The following ADGRB3 variants were observed in gnomAD, a reference collection of about 807,000 sequenced individuals.
ADGRB3 encodes the protein brain-specific angiogenesis inhibitor 3.
ADGRB3 carries 37 observed loss-of-function variants against 193.4 expected under a neutral mutation model. The observed-to-expected ratio is 0.19, with a 90% confidence interval of 0.15 to 0.25. The LOEUF is 0.25. ADGRB3 is among the 10% of genes least tolerant of loss of function. The pLI, the probability that ADGRB3 is intolerant of heterozygous loss-of-function variation, is 1.00. For synonymous variants in ADGRB3, 690 were observed against 644.2 expected, an observed-to-expected ratio of 1.07 and a Z score of -1.08; for missense variants, 1,637 against 1,852.9, an observed-to-expected ratio of 0.88 and a Z score of 2.14.
rs1765630075 is a variant in ADGRB3, at chr6:69,210,149, C to CATATATATATATATATATATAAT, written c.2481-23119_2481-23118insTATATATATATATATATATATAA. The stretch of plus-strand genomic sequence containing the variant: ...ATATATATCATATATTAATATATAT[C>CATATATATATATATATATATAAT]ATATATATATATATATATATAAAGG... On this transcript the variant is annotated intron_variant, in intron 17 of 31. Transcript: ENST00000370598. 3.8e-5 allele frequency among the ~76,000 whole-genome samples: 3 copies of CATATATATATATATATATATAAT among 78,940 alleles called. 1 individual carries two copies. The highest frequency in any genetic ancestry group is 7.4e-5 in the Non-Finnish European group (3 of 40,546). The allele number at this position is 78,940 out of a possible 152,430, so 51.8% of individuals were successfully genotyped here.
At chr6:69,238,223 C>G (rs1026592642) in intron 19 of ADGRB3, among the ~76,000 whole-genome samples, 1 of 152,008 alleles carries the variant, frequency 6.6e-6, no homozygotes, top group African/African-American at 2.4e-5. Context: ...TGTGATTCCA[C>G]GTTATAATAC....
chr6:69,169,136 A>T (rs1191466694), intron 17 of ADGRB3, among the ~76,000 whole-genome samples: 1 of 152,062 alleles, frequency 6.6e-6, no homozygotes, highest in Non-Finnish European at 1.5e-5. Context: ...GATATACCTT[A>T]AAAAAAGAGT....
chr6:69,149,932 G>GTA (rs1178036822), intron 17 of ADGRB3, among the ~76,000 whole-genome samples: 10 of 105,956 alleles, frequency 9.4e-5, no homozygotes, highest in African/African-American at 3.0e-4. Flanking sequence ...TTCTGTGTGT[G>GTA]TGTGTGTGTG....
chr6:69,143,386 A>G (rs1035751060), intron 17 of ADGRB3, among the ~76,000 whole-genome samples: 3 of 152,088 alleles, frequency 2.0e-5, no homozygotes, highest in Non-Finnish European at 4.4e-5. Context: ...TTTTAACTTG[A>G]TGTAATCTCA....
chr6:68,902,059 A>G (rs1249567642), intron 3 of ADGRB3, among the ~76,000 whole-genome samples: 3 of 152,100 alleles, frequency 2.0e-5, no homozygotes, highest in African/African-American at 7.2e-5. Context: ...CTCACTCCAA[A>G]CCTTTTATCA....
intron 31 of ADGRB3, among the ~76,000 whole-genome samples, chr6:69,384,440 T>C (rs1183393244): frequency 6.6e-6 from 1 of 152,032 alleles, no homozygotes; most frequent in Non-Finnish European, 1.5e-5. Context: ...TTTCGAAATA[T>C]TGAAAGATAA....
intron 3 of ADGRB3, among the ~76,000 whole-genome samples, chr6:68,783,026 G>A (rs1213568469): frequency 6.6e-6 from 1 of 151,808 alleles, no homozygotes; most frequent in African/African-American, 2.4e-5. Context: ...TGCCATTATT[G>A]CCGCTGCTAA....
At chr6:68,940,502 T>C (rs1261869357) in intron 5 of ADGRB3, among the ~76,000 whole-genome samples, 1 of 150,770 alleles carries the variant, frequency 6.6e-6, no homozygotes, top group African/African-American at 2.4e-5. Context: ...TTATGTACTT[T>C]AATCCTGTAG....
At chr6:68,714,531 T>C (rs549619080) in intron 3 of ADGRB3, among the ~76,000 whole-genome samples, 1 of 151,974 alleles carries the variant, frequency 6.6e-6, no homozygotes, top group East Asian at 1.9e-4. Flanking sequence ...ATATTCTGTG[T>C]ACCACAAAAC....
At chr6:69,183,048 C>G (rs1764967133) in intron 17 of ADGRB3, among the ~76,000 whole-genome samples, 1 of 152,114 alleles carries the variant, frequency 6.6e-6, no homozygotes, top group Non-Finnish European at 1.5e-5. Context: ...TTACCCCTTA[C>G]ACACATTCTG....
intron 17 of ADGRB3, among the ~76,000 whole-genome samples, chr6:69,173,713 G>A (rs1263497374): frequency 1.3e-5 from 2 of 152,048 alleles, no homozygotes; most frequent in Non-Finnish European, 2.9e-5. Context: ...CAGAAAGCAG[G>A]ACCTAGAGGG....
intron 20 of ADGRB3, among the ~76,000 whole-genome samples, chr6:69,278,066 C>G (rs1296323551): frequency 1.3e-5 from 2 of 152,124 alleles, no homozygotes; most frequent in Non-Finnish European, 1.5e-5. Flanking sequence ...TGCTTTTCTT[C>G]TTATTGATTC....
intron 3 of ADGRB3, among the ~76,000 whole-genome samples, chr6:68,825,530 T>C (rs1046592515): frequency 6.6e-6 from 1 of 152,214 alleles, no homozygotes; most frequent in African/African-American, 2.4e-5. Flanking sequence ...AACAGAACTT[T>C]AGATGAACAC....
chr6:68,881,200 T>C (rs912052141), intron 3 of ADGRB3, among the ~76,000 whole-genome samples: 56 of 151,808 alleles, frequency 3.7e-4, no homozygotes, highest in African/African-American at 1.2e-3. Flanking sequence ...AAATAAATAC[T>C]ATACATTGGA....
At chr6:69,257,818 G>C (rs1766814889) in intron 20 of ADGRB3, among the ~76,000 whole-genome samples, 1 of 152,128 alleles carries the variant, frequency 6.6e-6, no homozygotes, top group African/African-American at 2.4e-5. Flanking sequence ...ATTTCTTTTG[G>C]TGATAATAGA....
chr6:68,696,331 A>G (rs1471140865), intron 3 of ADGRB3, among the ~76,000 whole-genome samples: 1 of 151,810 alleles, frequency 6.6e-6, no homozygotes, highest in African/African-American at 2.4e-5. Flanking sequence ...AAAGGCCTAT[A>G]TAATAATGTT....
intron 3 of ADGRB3, among the ~76,000 whole-genome samples, chr6:68,643,873 A>G (rs924443303): frequency 6.6e-6 from 1 of 151,556 alleles, no homozygotes; most frequent in Non-Finnish European, 1.5e-5. Flanking sequence ...CAGAGGTTAC[A>G]GTGAGCCGAG....
At chr6:68,750,068 C>G (rs1766166254) in intron 3 of ADGRB3, among the ~76,000 whole-genome samples, 1 of 152,096 alleles carries the variant, frequency 6.6e-6, no homozygotes, top group Admixed American at 6.5e-5. Context: ...ATATCAACAG[C>G]TATATTATGA....
chr6:68,820,787 AC>A (rs1203353825), intron 3 of ADGRB3, among the ~76,000 whole-genome samples: 1 of 152,040 alleles, frequency 6.6e-6, no homozygotes, highest in Non-Finnish European at 1.5e-5. Flanking sequence ...TATTTAACAA[AC>A]TTTTTTAGAA....
Sources: allele counts gnomAD v4.1 joint callset (sites outside exome capture counted in the v4.1 genomes callset), GRCh38; gene constraint gnomAD v4.1.1; transcripts MANE v1.5; gene names NCBI Gene and HGNC (gene_info 2026-07-23, HGNC 2026-07-21).